Variants in MACROD2 observed in about 807,000 individuals in gnomAD.
The protein encoded by MACROD2 is ADP-ribose glycohydrolase MACROD2.
MACROD2 carries 36 observed loss-of-function variants against 70.4 expected under a neutral mutation model. The observed-to-expected ratio is 0.51, with a 90% CI of 0.39 to 0.68. The LOEUF is 0.68. Ranked by LOEUF, MACROD2 falls within the 30% of genes least tolerant of loss-of-function variation. MACROD2 has a pLI of 0.00. For synonymous variants in MACROD2, 172 were observed against 178.8 expected, an observed-to-expected ratio of 0.96 and a Z score of 0.30; for missense variants, 496 against 538.4, an observed-to-expected ratio of 0.92 and a Z score of 0.78.
chr20:15,387,815 G>A (rs910605577), intron 6 of MACROD2, among the ~76,000 whole-genome samples: 19 of 149,298 alleles, frequency 1.3e-4, no homozygotes, highest in African/African-American at 3.2e-4. Context: ...ATAGCTCACC[G>A]CAGCCTTGAA....
intron 5 of MACROD2, among the ~76,000 whole-genome samples, chr20:14,752,334 G>T (rs1441627857): frequency 6.6e-6 from 1 of 151,814 alleles, no homozygotes; most frequent in Non-Finnish European, 1.5e-5. Flanking sequence ...CTTCTTCAGT[G>T]CTCCCTAGCT....
At chr20:16,029,090 C>T (rs933403193) in intron 15 of MACROD2, among the ~76,000 whole-genome samples, 1 of 152,156 alleles carries the variant, frequency 6.6e-6, no homozygotes, top group African/African-American at 2.4e-5. Flanking sequence ...CTCACCGTGT[C>T]CTCGCATGGC....
chr20:15,934,896 C>G (rs1188856841), intron 11 of MACROD2, among the ~76,000 whole-genome samples: 1 of 151,960 alleles, frequency 6.6e-6, no homozygotes, highest in Non-Finnish European at 1.5e-5. Context: ...CAGGGTTTCA[C>G]CATGTTGGTC....
intron 8 of MACROD2, among the ~76,000 whole-genome samples, chr20:15,549,108 T>C (rs2048062830): frequency 6.6e-6 from 1 of 152,236 alleles, no homozygotes; most frequent in Admixed American, 6.5e-5. Flanking sequence ...GTAAGATAGT[T>C]GTTGTAACTG....
intron 8 of MACROD2, among the ~76,000 whole-genome samples, chr20:15,538,839 A>T (rs771068877): frequency 2.6e-5 from 4 of 152,148 alleles, no homozygotes; most frequent in Non-Finnish European, 4.4e-5. Context: ...TATAAATAAT[A>T]TAGCACTCTT....
intron 6 of MACROD2, among the ~76,000 whole-genome samples, chr20:15,267,980 C>G (rs6105381): frequency 6.6e-6 from 1 of 152,304 alleles, no homozygotes; most frequent in Non-Finnish European, 1.5e-5. Context: ...GTCCACGAAC[C>G]TAATCTTTCC....
chr20:14,811,649 C>A (rs566288740), intron 5 of MACROD2, among the ~76,000 whole-genome samples: 7 of 152,006 alleles, frequency 4.6e-5, no homozygotes, highest in African/African-American at 1.7e-4. Context: ...AGGCAACCTA[C>A]AGAATAGGAG....
chr20:14,430,767 G>A (rs1201310455), intron 3 of MACROD2, among the ~76,000 whole-genome samples: 1 of 152,074 alleles, frequency 6.6e-6, no homozygotes, highest in Non-Finnish European at 1.5e-5. Flanking sequence ...TAAGTTCTGG[G>A]TAATGTGATA....
chr20:15,743,069 G>A (rs551443491), intron 8 of MACROD2, among the ~76,000 whole-genome samples: 8 of 152,050 alleles, frequency 5.3e-5, no homozygotes, highest in South Asian at 2.1e-4. Flanking sequence ...CCCTCACCCC[G>A]GCCTCAACCA....
At chr20:14,384,401 A>G (rs748914812) in intron 3 of MACROD2, among the ~76,000 whole-genome samples, 1 of 152,186 alleles carries the variant, frequency 6.6e-6, no homozygotes, top group Non-Finnish European at 1.5e-5. Flanking sequence ...GGCACCAGAC[A>G]TAATTGGCAC....
intron 7 of MACROD2, among the ~76,000 whole-genome samples, chr20:15,492,277 G>C (rs1394680199): frequency 6.6e-6 from 1 of 151,998 alleles, no homozygotes; most frequent in Non-Finnish European, 1.5e-5. Context: ...GAGGCCTAGG[G>C]GGAAGAGGTT....
At chr20:15,143,199 C>T (rs1179878904) in intron 5 of MACROD2, among the ~76,000 whole-genome samples, 2 of 152,116 alleles carry the variant, frequency 1.3e-5, no homozygotes, top group Non-Finnish European at 2.9e-5. Flanking sequence ...TTAATGATTG[C>T]CATTCTAACT....
intron 5 of MACROD2, among the ~76,000 whole-genome samples, chr20:15,002,531 T>C (rs1377128471): frequency 2.6e-5 from 4 of 152,154 alleles, no homozygotes; most frequent in African/African-American, 9.7e-5. Flanking sequence ...AATGACGATA[T>C]CATTATCACC....
At chr20:15,829,414 T>G (rs1009169689) in intron 8 of MACROD2, among the ~76,000 whole-genome samples, 2 of 152,152 alleles carry the variant, frequency 1.3e-5, no homozygotes, top group African/African-American at 4.8e-5. Context: ...GAATCATTCA[T>G]GGAAAACATG....
intron 3 of MACROD2, among the ~76,000 whole-genome samples, chr20:14,282,292 G>A (rs1298719577): frequency 1.3e-5 from 2 of 152,110 alleles, no homozygotes; most frequent in African/African-American, 2.4e-5. Flanking sequence ...ATTCTTAAAG[G>A]TTAGTTGAAT....
In MACROD2 at chr20:14,155,303, T is replaced by C. The variant is rs973943345; in HGVS notation, c.271+69575T>C. ...TAATAACATTCAAATTGAAGAAAGATAATTGGCTCAAAAATCAGTTAAAAA... is the reference window on the plus strand; with the variant it reads ...TAATAACATTCAAATTGAAGAAAGACAATTGGCTCAAAAATCAGTTAAAAA... On this transcript the variant is annotated intron_variant, in intron 3 of 17. Transcript: ENST00000684519. Among the ~76,000 whole-genome samples the C allele has an allele frequency of 3.9e-5, 6 of 152,342 alleles. No homozygotes were observed. The South Asian group carries it at 6.2e-4, about 16-fold the overall frequency.
intron 3 of MACROD2, among the ~76,000 whole-genome samples, chr20:14,441,234 A>T (rs1019219119): frequency 6.6e-6 from 1 of 152,176 alleles, no homozygotes; most frequent in Non-Finnish European, 1.5e-5. Flanking sequence ...TGGGATCGCT[A>T]TGTAAAGAAG....
intron 5 of MACROD2, among the ~76,000 whole-genome samples, chr20:14,766,953 T>A (rs1421206283): frequency 6.6e-6 from 1 of 152,150 alleles, no homozygotes; most frequent in Non-Finnish European, 1.5e-5. Flanking sequence ...AGTAAGCCGT[T>A]GGTATAACAT....
At chr20:15,645,682 CT>C (rs2049530505) in intron 8 of MACROD2, among the ~76,000 whole-genome samples, 1 of 152,136 alleles carries the variant, frequency 6.6e-6, no homozygotes, top group Non-Finnish European at 1.5e-5. Flanking sequence ...AAGAAAATAT[CT>C]TTCAAAAGTT....
Sources: gnomAD v4.1 joint callset for allele counts (sites outside exome capture counted in the v4.1 genomes callset) on GRCh38, gnomAD v4.1.1 for gene constraint, MANE v1.5 for transcripts, NCBI Gene and HGNC (gene_info 2026-07-23, HGNC 2026-07-21) for gene names.